Variants in PAPPA2 observed in about 807,000 individuals in gnomAD.
PAPPA2 encodes pappalysin-2.
Under a neutral mutation model 176.4 loss-of-function variants are expected in PAPPA2, and 86 were observed. That is an observed-to-expected ratio of 0.49 (90% CI 0.41 to 0.58). The LOEUF is 0.58. Ranked by LOEUF, PAPPA2 falls within the 20% of genes least tolerant of loss-of-function variation. The pLI, the probability that PAPPA2 is intolerant of heterozygous loss-of-function variation, is 0.00. For synonymous variants in PAPPA2, 809 were observed against 852.2 expected, an observed-to-expected ratio of 0.95 and a Z score of 0.88; for missense variants, 2,073 against 2,256.9, an observed-to-expected ratio of 0.92 and a Z score of 1.65.
intron 17 of PAPPA2, among the ~76,000 whole-genome samples, chr1:176,773,896 C>T (rs552875170): frequency 6.6e-6 from 1 of 152,144 alleles, no homozygotes; most frequent in Admixed American, 6.5e-5. Flanking sequence ...CCTGTTCCAG[C>T]TTTGTCTCAT....
chr1:176,700,157 G>A (rs1271755449), intron 8 of PAPPA2, among the ~76,000 whole-genome samples: 2 of 151,722 alleles, frequency 1.3e-5, no homozygotes, highest in African/African-American at 2.4e-5. Flanking sequence ...TGTTAGTTCT[G>A]TCTTTTCTTC....
intron 1 of PAPPA2, among the ~76,000 whole-genome samples, chr1:176,496,168 T>A (rs894099695): frequency 6.6e-6 from 1 of 152,214 alleles, no homozygotes; most frequent in Non-Finnish European, 1.5e-5. Flanking sequence ...TGTATACATG[T>A]GCCATGTTGG....
At chr1:176,721,099 C>G (rs531239814) in intron 12 of PAPPA2, among the ~76,000 whole-genome samples, 5 of 152,232 alleles carry the variant, frequency 3.3e-5, no homozygotes, top group African/African-American at 9.6e-5. Flanking sequence ...ACAAACACAC[C>G]CAGAAATAAT....
At chr1:176,692,435 C>A in intron 6 of PAPPA2, 117 bp downstream of exon 6, 1 of 1,043,562 alleles carries the variant, frequency 9.6e-7, no homozygotes, top group Non-Finnish European at 1.4e-6. Flanking sequence ...ATGTGTGCAC[C>A]ACTGCTCAGA....
intron 1 of PAPPA2, among the ~76,000 whole-genome samples, chr1:176,525,588 C>A (rs1649457386): frequency 6.6e-6 from 1 of 152,170 alleles, no homozygotes; most frequent in Non-Finnish European, 1.5e-5. Flanking sequence ...GGCCCCACTT[C>A]CACTGTAATT....
chr1:176,504,026 G>T (rs1176622555), intron 1 of PAPPA2, among the ~76,000 whole-genome samples: 1 of 151,994 alleles, frequency 6.6e-6, no homozygotes, highest in African/African-American at 2.4e-5. Context: ...TTTTTCATTA[G>T]GTTAATCTCT....
chr1:176,465,385 G>A (rs1415949293), intron 1 of PAPPA2, among the ~76,000 whole-genome samples: 1 of 152,192 alleles, frequency 6.6e-6, no homozygotes, highest in South Asian at 2.1e-4. Context: ...CTATTTCACA[G>A]GTCTCCCTAT....
intron 2 of PAPPA2, among the ~76,000 whole-genome samples, chr1:176,586,427 C>T (rs1653312718): frequency 6.6e-6 from 1 of 151,958 alleles, no homozygotes; most frequent in Non-Finnish European, 1.5e-5. Flanking sequence ...GACCCATCCT[C>T]TAAGTTCCCC....
At chr1:176,640,451 T>C (rs1228577486) in intron 3 of PAPPA2, among the ~76,000 whole-genome samples, 2 of 151,430 alleles carry the variant, frequency 1.3e-5, no homozygotes, top group Non-Finnish European at 2.9e-5. Context: ...TGTTTGGTTT[T>C]TCGTTCTTGC....
At chr1:176,739,156 A>G (rs568135687) in intron 12 of PAPPA2, among the ~76,000 whole-genome samples, 1 of 152,322 alleles carries the variant, frequency 6.6e-6, no homozygotes, top group East Asian at 1.9e-4. Context: ...GGGGAGAGAT[A>G]GGAAGATGGG....
chr1:176,587,025 C>T (rs1016080004), intron 2 of PAPPA2, among the ~76,000 whole-genome samples: 1 of 151,922 alleles, frequency 6.6e-6, no homozygotes, highest in Non-Finnish European at 1.5e-5. Flanking sequence ...GTTTTGATTT[C>T]TCTAATGATC....
At chr1:176,504,328 G>T (rs1648127845) in intron 1 of PAPPA2, among the ~76,000 whole-genome samples, 1 of 151,956 alleles carries the variant, frequency 6.6e-6, no homozygotes, top group Non-Finnish European at 1.5e-5. Flanking sequence ...TATTTCAGAG[G>T]CATCAATTTT....
intron 2 of PAPPA2, among the ~76,000 whole-genome samples, chr1:176,576,302 G>T (rs539548132): frequency 8.7e-4 from 133 of 152,164 alleles, no homozygotes; most frequent in African/African-American, 3.1e-3. Flanking sequence ...GACTTCATTT[G>T]CGTTTTCTTG....
At chr1:176,760,036 T>C (rs1663628068) in intron 14 of PAPPA2, among the ~76,000 whole-genome samples, 1 of 152,256 alleles carries the variant, frequency 6.6e-6, no homozygotes, top group Non-Finnish European at 1.5e-5. Flanking sequence ...ATGGTATTTT[T>C]ATCCATGTTT....
intron 21 of PAPPA2, among the ~76,000 whole-genome samples, chr1:176,810,099 A>C (rs1002559095): frequency 6.6e-6 from 1 of 152,078 alleles, no homozygotes; most frequent in African/African-American, 2.4e-5. Context: ...CTAAAAAGTG[A>C]AATGAAATAT....
At position 176,488,305 on chromosome 1, in the gene PAPPA2, A is replaced by G. The variant is rs186449706; in HGVS notation, c.-917+24887A>G. 1.2e-4 allele frequency among the ~76,000 whole-genome samples: 19 copies of G among 152,182 alleles called. No homozygotes were observed. In the East Asian group the frequency reaches 3.3e-3, roughly 26 times the overall value. The stretch of plus-strand genomic sequence containing the variant: ...AATTGAATTGTGGAAAATAATGAGG[A>G]TTTGAGATTTTACATCTATCTATCA... On this transcript the variant is annotated intron_variant, in intron 1 of 22. Coordinates refer to ENST00000367662, the MANE Select transcript of PAPPA2 (RefSeq NM_020318.3).
intron 12 of PAPPA2, among the ~76,000 whole-genome samples, chr1:176,729,804 T>C (rs1662046890): frequency 6.6e-6 from 1 of 152,082 alleles, no homozygotes; most frequent in Non-Finnish European, 1.5e-5. Context: ...AATTTTAGAT[T>C]TGAAATTTTA....
chr1:176,649,749 A>G (rs765683792), intron 3 of PAPPA2, among the ~76,000 whole-genome samples: 1 of 151,518 alleles, frequency 6.6e-6, no homozygotes, highest in African/African-American at 2.4e-5. Flanking sequence ...TTATTCCATT[A>G]TAATCATATA....
At chr1:176,504,464 A>G (rs1648136771) in intron 1 of PAPPA2, among the ~76,000 whole-genome samples, 1 of 152,038 alleles carries the variant, frequency 6.6e-6, no homozygotes, top group African/African-American at 2.4e-5. Flanking sequence ...ACTTAACTAT[A>G]TTTTCATGGT....
Sources: gnomAD v4.1 joint callset for allele counts (sites outside exome capture counted in the v4.1 genomes callset) on GRCh38, gnomAD v4.1.1 for gene constraint, MANE v1.5 for transcripts, NCBI Gene and HGNC (gene_info 2026-07-23, HGNC 2026-07-21) for gene names.